The following DENND2B variants were observed in gnomAD, a reference collection of about 807,000 sequenced individuals.
DENND2B encodes the protein DENN domain containing 2B.
Under a neutral mutation model 116.0 loss-of-function variants are expected in DENND2B, and 32 were observed. The observed-to-expected ratio is 0.28, with a 90% CI of 0.21 to 0.37. DENND2B has a LOEUF of 0.37. Among genes scored for constraint, DENND2B ranks in the 10% least tolerant of loss-of-function variants. DENND2B has a pLI of 1.00. For missense variants in DENND2B, 1,276 were observed against 1,477.7 expected (o/e 0.86, Z 2.24); for synonymous variants, 588 against 583.9 (o/e 1.01, Z -0.10).
At chr11:8,737,712 TTTC>T (rs2049333837) in intron 2 of DENND2B, among the ~76,000 whole-genome samples, 1 of 151,698 alleles carries the variant, frequency 6.6e-6, no homozygotes, top group Non-Finnish European at 1.5e-5. Context: ...CCCTCCCTCC[TTTC>T]TTTTCTTTCT....
In DENND2B at chr11:8,699,351, G is replaced by A. The variant is rs553488741; in HGVS notation, c.2760C>T (p.Leu920=). Residue 920 remains leucine (L), a synonymous_variant, in exon 15 of 20, where the codon CTC becomes CTT. Coordinates refer to ENST00000313726, the MANE Select transcript of DENND2B (RefSeq NM_213618.2). ...SSCSHAVVAL[L]YPFSWQHTFI... ...AGGTGTGCTGCCAGGAGAAGGGGTA[G>A]AGCAAGGCCACCACCGCGTGGGAGC... 9.3e-6 allele frequency: 15 copies of A among 1,606,906 alleles called. No individual in the cohort carries two copies. Among genetic ancestry groups the A allele is most frequent in the Non-Finnish European group, 1.2e-5 (14 of 1,178,310 alleles).
intron 4 of DENND2B, chr11:8,830,633 G>A (rs1163391727): frequency 2.0e-4 from 31 of 152,172 alleles, no homozygotes; most frequent in Admixed American, 2.0e-3. Flanking sequence ...GGAATGTTGG[G>A]GTACAGAGGA....
chr11:8,857,888 T>G (rs1332055143), intron 2 of DENND2B, among the ~76,000 whole-genome samples: 1 of 152,170 alleles, frequency 6.6e-6, no homozygotes, highest in Non-Finnish European at 1.5e-5. Context: ...TAAAAAAAAG[T>G]ATTCTTCGAT....
At chr11:8,779,762 G>A (rs1408460459) in intron 1 of DENND2B, among the ~76,000 whole-genome samples, 2 of 152,092 alleles carry the variant, frequency 1.3e-5, no homozygotes, top group Non-Finnish European at 2.9e-5. Flanking sequence ...GATCCGCCCC[G>A]CCTCAGCCTC....
chr11:8,817,743 T>C (rs1019694708), intron 4 of DENND2B, among the ~76,000 whole-genome samples: 3 of 152,072 alleles, frequency 2.0e-5, no homozygotes, highest in African/African-American at 4.8e-5. Context: ...ACTCACAACA[T>C]AGGTACTCAC....
chr11:8,903,124 C>T (rs1007399514), intron 1 of DENND2B, among the ~76,000 whole-genome samples: 2 of 152,170 alleles, frequency 1.3e-5, no homozygotes, highest in Non-Finnish European at 2.9e-5. Flanking sequence ...TCCCAAAGTG[C>T]TGGGATTACA....
chr11:8,904,572 C>T (rs757064598), intron 1 of DENND2B, among the ~76,000 whole-genome samples: 11 of 152,088 alleles, frequency 7.2e-5, no homozygotes, highest in Non-Finnish European at 1.6e-4. Context: ...AGGTTCAAGC[C>T]AGTGCGATTA....
At chr11:8,791,987 C>T (rs536006818) in intron 1 of DENND2B, among the ~76,000 whole-genome samples, 21 of 20,642 alleles carry the variant, frequency 1.0e-3, no homozygotes, top group Admixed American at 3.8e-3. Context: ...CGTGGATCAC[C>T]TGAGGTCAAG....
intron 4 of DENND2B, among the ~76,000 whole-genome samples, chr11:8,836,057 T>C (rs948714238): frequency 2.0e-5 from 3 of 151,578 alleles, no homozygotes; most frequent in African/African-American, 7.3e-5. Context: ...AAAAACATGG[T>C]GAATATAGGG....
intron 14 of DENND2B, among the ~76,000 whole-genome samples, chr11:8,700,812 A>C (rs758023285): frequency 9.2e-5 from 14 of 152,126 alleles, no homozygotes; most frequent in Non-Finnish European, 1.6e-4. Context: ...TTTTTTTAAA[A>C]AAATTTTTAA....
chr11:8,757,762 C>T (rs957215192), intron 1 of DENND2B, among the ~76,000 whole-genome samples: 1 of 152,186 alleles, frequency 6.6e-6, no homozygotes, highest in Non-Finnish European at 1.5e-5. Context: ...TTAGCTTGCT[C>T]CAAGTCACAC....
rs1266329712 is a variant in DENND2B, at chr11:8,867,069, C to A, written c.-250+3885G>T. Among the ~76,000 whole-genome samples the A allele has an allele frequency of 2.6e-5, 4 of 152,296 alleles. No homozygotes were observed. In the South Asian group the frequency reaches 8.3e-4, roughly 32 times the overall value. ...CATCACTTTTCTGCCTGTCAAGCTG[C>A]CCCTCCTTAGTGAGCCCTCCTGCTA... On this transcript the variant is annotated intron_variant, in intron 2 of 6. Transcript: ENST00000524757.
chr11:8,749,020 A>C (rs1393124977), intron 2 of DENND2B, among the ~76,000 whole-genome samples: 1 of 152,212 alleles, frequency 6.6e-6, no homozygotes, highest in East Asian at 1.9e-4. Flanking sequence ...AATTTCTTTA[A>C]AATTACAAAT....
At chr11:8,867,360 A>G (rs1038690134) in intron 2 of DENND2B, among the ~76,000 whole-genome samples, 8 of 152,128 alleles carry the variant, frequency 5.3e-5, no homozygotes, top group African/African-American at 1.9e-4. Context: ...AACTGGTAAG[A>G]AATGTGGAGG....
rs541529501 is a variant in DENND2B at position 8,771,350 on chromosome 11, T to G, written c.-25-20625A>C. On this transcript the variant is annotated intron_variant, in intron 1 of 19. Transcript: ENST00000313726. Reference sequence around the variant, plus strand: ...ATACAAAGCAGAATCATATAGAGTATGGGGTATACAATCTCACACTACCAG... The same window carrying G: ...ATACAAAGCAGAATCATATAGAGTAGGGGGTATACAATCTCACACTACCAG... Among the ~76,000 whole-genome samples the G allele has an allele frequency of 5.3e-5, 8 of 152,032 alleles. No homozygotes were observed. The South Asian group carries it at 1.7e-3, about 32-fold the overall frequency.
At chr11:8,779,435 C>T (rs1217458272) in intron 1 of DENND2B, among the ~76,000 whole-genome samples, 1 of 152,052 alleles carries the variant, frequency 6.6e-6, no homozygotes, top group Non-Finnish European at 1.5e-5. Flanking sequence ...TTACCATGCT[C>T]TCCAGCCTCT....
At chr11:8,902,304 T>A (rs1445151897) in intron 1 of DENND2B, among the ~76,000 whole-genome samples, 2 of 145,576 alleles carry the variant, frequency 1.4e-5, no homozygotes, top group Non-Finnish European at 3.0e-5. Context: ...CCAGTGTAGG[T>A]GACAGAGTGA....
In DENND2B at chr11:8,730,184, G is replaced by C; in HGVS notation, c.1106C>G (p.Pro369Arg). 6.2e-7 allele frequency: 1 copy of C among 1,613,972 alleles called. No individual in the cohort carries two copies. The highest frequency in any genetic ancestry group is 8.5e-7 in the Non-Finnish European group (1 of 1,179,888). ...STKPGTPGNS[P>R]SSQRLPSKSS... is the part of the protein sequence containing the mutation. Reference sequence around the variant, plus strand: ...CTTCGATGGCAGCCGCTGGGAGCTAGGGCTATTTCCAGGGGTCCCGGGCTT... The same window carrying C: ...CTTCGATGGCAGCCGCTGGGAGCTACGGCTATTTCCAGGGGTCCCGGGCTT... The change falls in exon 3 of 20, where the codon CCT becomes CGT. Residue 369 changes from proline to arginine, a missense_variant. Transcript: ENST00000313726. The surrounding 1 kb of genome is among the most constrained non-coding windows in gnomAD (Gnocchi z 4.1).
chr11:8,865,073 G>A (rs189388971), intron 2 of DENND2B, among the ~76,000 whole-genome samples: 133 of 152,092 alleles, frequency 8.7e-4, no homozygotes, highest in African/African-American at 3.1e-3. Context: ...CATAAAAAGG[G>A]GCTTATTTCT....
Sources: allele counts gnomAD v4.1 joint callset (sites outside exome capture counted in the v4.1 genomes callset), GRCh38; gene constraint gnomAD v4.1.1; non-coding constraint Gnocchi (gnomAD v3.1); transcripts MANE v1.5; gene names NCBI Gene and HGNC (gene_info 2026-07-23, HGNC 2026-07-21).